The following TESPA1 variants were observed in gnomAD, a reference collection of about 807,000 sequenced individuals.
TESPA1 encodes the protein protein TESPA1.
In TESPA1, 33 loss-of-function variants were observed where a neutral mutation model predicts 57.9. The ratio of observed to expected loss-of-function variants is 0.57; its 90% CI spans 0.43 to 0.76. The LOEUF (loss-of-function observed/expected upper bound fraction) is 0.76. TESPA1 is among the 30% of genes least tolerant of loss of function. The probability of loss-of-function intolerance (pLI) is 0.00; values close to 1 mark genes in which losing one functional copy is unlikely to be tolerated. For missense variants in TESPA1, 618 were observed against 632.9 expected, an observed-to-expected ratio of 0.98 and a Z score of 0.25; for synonymous variants, 227 against 228.9, an observed-to-expected ratio of 0.99 and a Z score of 0.07.
At position 54,961,569 on chromosome 12, in the gene TESPA1, C is replaced by T. The variant is rs75984030; in HGVS notation, c.1468-302G>A. On this transcript the variant is annotated intron_variant, in intron 9 of 10. Coordinates refer to ENST00000449076, the MANE Select transcript of TESPA1 (RefSeq NM_001136030.3). Reference sequence around the variant, plus strand: ...TGGAAGTATCTTCCATAGACCCAGGCGAGAGGAGTTCTGAGTCTTAGAGGG... The same window carrying T: ...TGGAAGTATCTTCCATAGACCCAGGTGAGAGGAGTTCTGAGTCTTAGAGGG... 3.9e-3 allele frequency among the ~76,000 whole-genome samples: 601 copies of T among 152,272 alleles called. 1 individual carries two copies. Among genetic ancestry groups the T allele is most frequent in the East Asian group, 0.028 (147 of 5,184 alleles).
At position 54,962,889 on chromosome 12, in the gene TESPA1, C is replaced by T. The variant is rs1449596314; in HGVS notation, c.1009G>A (p.Gly337Arg). Reference protein sequence around the residue: ...KQFLQQDSDLGQFSQEDPVPP... With the variant: ...KQFLQQDSDLRQFSQEDPVPP... ...ACAGGATCTTCCTGTGAGAATTGCC[C>T]CAAATCAGAGTCTTGCTGGAGGAAC... Residue 337 changes from glycine (G) to arginine (R), a missense_variant, in exon 9 of 11, where the codon GGG (glycine) becomes AGG (arginine). Gly to Arg is a moderately radical substitution (Grantham distance 125, BLOSUM62 -2). Around this residue, in one of 3 missense-constraint regions of TESPA1, gnomAD observed 409 missense variants for 420.1 expected, o/e 0.97. Coordinates refer to ENST00000449076, the MANE Select transcript of TESPA1 (RefSeq NM_001136030.3). The T allele has an allele frequency of 6.2e-7, 1 of 1,613,666 alleles. No homozygotes were observed. Among genetic ancestry groups the T allele is most frequent in the Non-Finnish European group, 8.5e-7 (1 of 1,179,738 alleles).
rs147899281 is a variant in TESPA1 at position 54,968,727 on chromosome 12, C to T, written c.207-835G>A. ...TTGTGAATTTTGTAGAGTTTGCTTT[C>T]CTAAAGCTTTTTACATGGAAGTTAT... is the stretch of plus-strand genomic sequence containing the variant. On this transcript the variant is annotated intron_variant, in intron 3 of 10. Transcript: ENST00000449076. Among the ~76,000 whole-genome samples, 64 of 152,176 alleles carry T rather than the reference C, an allele frequency of 4.2e-4. No homozygotes were observed. The South Asian group carries it at 9.3e-3, about 22-fold the overall frequency.
intron 5 of TESPA1, among the ~76,000 whole-genome samples, chr12:54,966,654 G>T (rs957741379): frequency 6.6e-6 from 1 of 152,056 alleles, no homozygotes; most frequent in African/African-American, 2.4e-5. Flanking sequence ...ATGAACTTCT[G>T]ACCCATGACT....
chr12:54,971,146 T>C (rs766322734), intron 3 of TESPA1, among the ~76,000 whole-genome samples: 1 of 152,238 alleles, frequency 6.6e-6, no homozygotes, highest in African/African-American at 2.4e-5. Flanking sequence ...GAAAAGAAGA[T>C]GCTCTTGCTA....
intron 3 of TESPA1, among the ~76,000 whole-genome samples, chr12:54,970,895 A>G (rs1234391268): frequency 6.6e-6 from 1 of 152,248 alleles, no homozygotes; most frequent in African/African-American, 2.4e-5. Context: ...TTTAAGCTGA[A>G]GCCCACACAG....
intron 8 of TESPA1, 61 bp from the exon 9 acceptor site, chr12:54,963,303 T>G: frequency 8.7e-6 from 13 of 1,492,572 alleles, no homozygotes; most frequent in South Asian, 1.3e-5. Context: ...CTTAAATCTC[T>G]CCCTTCAGGA....
In TESPA1 at chr12:54,949,460, C is replaced by T. The variant is rs1402714231; in HGVS notation, c.*932G>A. The T allele has an allele frequency of 6.6e-6, 1 of 150,562 alleles. No homozygotes were observed. The highest frequency in any genetic ancestry group is 1.5e-5 in the Non-Finnish European group (1 of 67,828). The allele number at this position is 150,562 out of a possible 1,614,324, so 9.3% of individuals were successfully genotyped here. ...TTCTGGAAATGCGTGCATCTTACTT[C>T]TCCCATTCTATTAATATTAATATTT... is the stretch of plus-strand genomic sequence containing the variant. On this transcript the variant is annotated 3_prime_UTR_variant, in exon 11 of 11. Coordinates refer to ENST00000449076, the MANE Select transcript of TESPA1 (RefSeq NM_001136030.3).
intron 10 of TESPA1, among the ~76,000 whole-genome samples, chr12:54,954,352 G>A (rs950989668): frequency 6.6e-6 from 1 of 152,182 alleles, no homozygotes; most frequent in African/African-American, 2.4e-5. Context: ...CAAAACCACA[G>A]ACAAAATAAC....
intron 3 of TESPA1, 107 bp downstream of exon 3, chr12:54,973,370 A>C: frequency 1.3e-6 from 2 of 1,505,746 alleles, no homozygotes; most frequent in Non-Finnish European, 1.8e-6. Flanking sequence ...TCTAATCTTT[A>C]GGCCCAAATC....
chr12:54,953,586 CA>C (rs1950537456), intron 10 of TESPA1, among the ~76,000 whole-genome samples: 1 of 146,084 alleles, frequency 6.8e-6, no homozygotes, highest in African/African-American at 2.5e-5. Context: ...GGCACGATCA[CA>C]GCTCACTGCA....
At position 54,962,914 on chromosome 12, in the gene TESPA1, C is replaced by T; in HGVS notation, c.984G>A (p.Gln328=). 1 of 1,613,792 alleles carries T rather than the reference C, an allele frequency of 6.2e-7. No homozygotes were observed. The highest frequency in any genetic ancestry group is 1.3e-5 in the African/African-American group (1 of 75,028). Residue 328 remains glutamine, a synonymous_variant, in exon 9 of 11, where the codon CAG becomes CAA. Coordinates refer to ENST00000449076, the MANE Select transcript of TESPA1 (RefSeq NM_001136030.3). ...EVMDKVKEEK[Q]FLQQDSDLGQ... is the part of the protein sequence containing the mutation. ...CCAAATCAGAGTCTTGCTGGAGGAA[C>T]TGCTTCTCTTCTTTCACTTTGTCCA...
chr12:54,968,299 A>G (rs989703553), intron 3 of TESPA1, among the ~76,000 whole-genome samples: 3 of 152,310 alleles, frequency 2.0e-5, no homozygotes, highest in Admixed American at 1.3e-4. Flanking sequence ...TTTTCTTAAA[A>G]CTTTTAGATC....
At chr12:54,956,915 C>T (rs1361077105) in intron 10 of TESPA1, among the ~76,000 whole-genome samples, 7 of 152,070 alleles carry the variant, frequency 4.6e-5, no homozygotes, top group Admixed American at 3.9e-4. Flanking sequence ...CTTGAGATAA[C>T]GAATCCTCTC....
In TESPA1 at chr12:54,963,167, G is replaced by A; in HGVS notation, c.731C>T (p.Thr244Ile). The A allele has an allele frequency of 4.3e-6, 7 of 1,613,880 alleles. No homozygotes were observed. The highest frequency in any genetic ancestry group is 5.1e-6 in the Non-Finnish European group (6 of 1,179,862). ...FFCLYSYVSK[T>I]PVQKFTPSHM... ...GGATGGTGTGAACTTTTGGACAGGT[G>A]TCTTAGACACATAGGAGTAGAGACA... Residue 244 changes from threonine (T) to isoleucine (I), a missense_variant, in exon 9 of 11, where the codon ACA (threonine) becomes ATA (isoleucine). Physicochemically the swap from Thr to Ile is moderately conservative, Grantham distance 89 (BLOSUM62 -1). Coordinates refer to ENST00000449076, the MANE Select transcript of TESPA1 (RefSeq NM_001136030.3).
chr12:54,955,147 T>C (rs770860019), intron 10 of TESPA1, among the ~76,000 whole-genome samples: 4 of 152,248 alleles, frequency 2.6e-5, no homozygotes, highest in Non-Finnish European at 4.4e-5. Flanking sequence ...TAATATTTCA[T>C]TGTGATTTTG....
chr12:54,970,328 A>G (rs979903703), intron 3 of TESPA1, among the ~76,000 whole-genome samples: 3 of 152,248 alleles, frequency 2.0e-5, no homozygotes, highest in African/African-American at 7.2e-5. Flanking sequence ...ACTGATATGT[A>G]TGCTGAACTT....
intron 10 of TESPA1, among the ~76,000 whole-genome samples, chr12:54,959,786 G>A (rs1453972410): frequency 6.6e-6 from 1 of 152,170 alleles, no homozygotes; most frequent in Non-Finnish European, 1.5e-5. Context: ...TGTTTGGGTG[G>A]AGTGGCCGCT....
intron 3 of TESPA1, among the ~76,000 whole-genome samples, chr12:54,972,003 C>A (rs1951861341): frequency 6.6e-6 from 1 of 152,172 alleles, no homozygotes; most frequent in Non-Finnish European, 1.5e-5. Flanking sequence ...CTCATTTAAA[C>A]CTCACGAGAA....
At chr12:54,970,134 T>C (rs1951739973) in intron 3 of TESPA1, among the ~76,000 whole-genome samples, 1 of 152,114 alleles carries the variant, frequency 6.6e-6, no homozygotes, top group Non-Finnish European at 1.5e-5. Flanking sequence ...GATGGAGGAC[T>C]GGTACATTGC....
Sources: allele counts gnomAD v4.1 joint callset (sites outside exome capture counted in the v4.1 genomes callset), GRCh38; gene constraint gnomAD v4.1.1; regional missense constraint gnomAD v4.1.1; transcripts MANE v1.5; gene names NCBI Gene and HGNC (gene_info 2026-07-23, HGNC 2026-07-21).